LARP4B: variants seen among roughly 807,000 people sequenced by gnomAD.
The protein encoded by LARP4B is La ribonucleoprotein 4B.
Under a neutral mutation model 89.8 loss-of-function variants are expected in LARP4B, and 12 were observed. The observed-to-expected ratio is 0.13, with a 90% CI of 0.09 to 0.22. The LOEUF is 0.22. LARP4B is among the 10% of genes least tolerant of loss of function. The pLI, the probability that LARP4B is intolerant of heterozygous loss-of-function variation, is 1.00. For missense variants in LARP4B, 757 were observed against 947.7 expected, an observed-to-expected ratio of 0.80 and a Z score of 2.64; for synonymous variants, 367 against 363.3, an observed-to-expected ratio of 1.01 and a Z score of -0.12.
At chr10:903,826 G>A (rs772809281) in intron 1 of LARP4B, among the ~76,000 whole-genome samples, 22 of 152,288 alleles carry the variant, frequency 1.4e-4, no homozygotes, top group Middle Eastern at 3.4e-3. Context: ...GAAGTGGTGA[G>A]TAAACTCATT....
At chr10:916,385 A>C (rs1382020725) in intron 1 of LARP4B, among the ~76,000 whole-genome samples, 1 of 152,186 alleles carries the variant, frequency 6.6e-6, no homozygotes, top group Admixed American at 6.5e-5. Context: ...TTCATGGAAA[A>C]TAATTTTTTT....
At chr10:965,032 GC>G in the LARP4B span, among the ~76,000 whole-genome samples, 4 of 152,256 alleles carry the variant, frequency 2.6e-5, no homozygotes, top group Admixed American at 2.6e-4. Context: ...GCACGCTGAG[GC>G]CCGAGAGGGC....
rs60998261 is a variant in LARP4B at position 912,708 on chromosome 10, CAAAAAAA to C, written c.-40+18713_-40+18719del. On this transcript the variant is annotated intron_variant, in intron 1 of 17. Coordinates refer to ENST00000316157, the MANE Select transcript of LARP4B (RefSeq NM_015155.3). ...GCAACATGGAGAAACCTCGTCTTGA[CAAAAAAA>C]AAAAAAAAAAATTCAAAAAAAAAAA... Among the ~76,000 whole-genome samples the C allele has an allele frequency of 9.7e-3, 887 of 91,246 alleles. 10 individuals are homozygous for C. The highest frequency in any genetic ancestry group is 0.042 in the African/African-American group (852 of 20,154). 59.9% of individuals were successfully genotyped at this position (91,246 alleles called of 152,430 possible).
chr10:841,344 G>GA (rs915143711), intron 7 of LARP4B, among the ~76,000 whole-genome samples: 32 of 152,268 alleles, frequency 2.1e-4, no homozygotes, highest in African/African-American at 3.8e-4. Flanking sequence ...AAAATCGAGT[G>GA]AAAAAAGACA....
chr10:970,528 G>A, the LARP4B span, among the ~76,000 whole-genome samples: 1 of 152,156 alleles, frequency 6.6e-6, no homozygotes, highest in East Asian at 1.9e-4. Context: ...TATTTGCACA[G>A]CCGTCCTTTG....
chr10:861,849 T>C (rs1179182974), intron 5 of LARP4B, among the ~76,000 whole-genome samples: 1 of 152,246 alleles, frequency 6.6e-6, no homozygotes, highest in African/African-American at 2.4e-5. Flanking sequence ...AAATTGTTTA[T>C]TTTGAACCAT....
chr10:940,538 C>T, the LARP4B span, among the ~76,000 whole-genome samples: 1 of 152,220 alleles, frequency 6.6e-6, no homozygotes, highest in Non-Finnish European at 1.5e-5. Flanking sequence ...GGGAGGGGGG[C>T]GCCTGCCCAG....
chr10:930,801 T>C (rs1464436341), intron 1 of LARP4B, among the ~76,000 whole-genome samples: 1 of 152,072 alleles, frequency 6.6e-6, no homozygotes, highest in East Asian at 1.9e-4. Context: ...GGATCCCAAC[T>C]TCCTGGTTCT....
the LARP4B span, chr10:988,127 C>T: frequency 4.3e-6 from 1 of 234,920 alleles, no homozygotes; most frequent in Non-Finnish European, 8.5e-6. Flanking sequence ...ACCCTCCAAC[C>T]CTGGCCCAGG....
the LARP4B span, among the ~76,000 whole-genome samples, chr10:982,762 T>C: frequency 6.6e-6 from 1 of 152,088 alleles, no homozygotes; most frequent in South Asian, 2.1e-4. Context: ...TGAGAATAGC[T>C]TAAAATAAAA....
At chr10:969,590 C>T in the LARP4B span, among the ~76,000 whole-genome samples, 2 of 152,126 alleles carry the variant, frequency 1.3e-5, no homozygotes, top group African/African-American at 4.8e-5. Context: ...ATTAGCCAGG[C>T]GTGGTGGCAC....
chr10:899,016 A>G (rs566731240), intron 1 of LARP4B, among the ~76,000 whole-genome samples: 16 of 152,334 alleles, frequency 1.1e-4, no homozygotes, highest in African/African-American at 3.8e-4. Flanking sequence ...GCTCGTCTTC[A>G]TTCCTTCTTC....
intron 15 of LARP4B, among the ~76,000 whole-genome samples, chr10:816,877 G>A (rs897462888): frequency 6.6e-6 from 1 of 152,136 alleles, no homozygotes; most frequent in African/African-American, 2.4e-5. Flanking sequence ...TCTATCTACT[G>A]CGGGGCCTTC....
chr10:924,174 G>A (rs559508724), intron 1 of LARP4B, among the ~76,000 whole-genome samples: 33 of 152,256 alleles, frequency 2.2e-4, no homozygotes, highest in African/African-American at 7.7e-4. Flanking sequence ...AGCCCAGGTC[G>A]AGGCTGCAGA....
Position 829,758 on chromosome 10 carries a change from A to T in LARP4B, c.862-24T>A, listed in dbSNP as rs769007376. On this transcript the variant is annotated intron_variant, in intron 9 of 17. Transcript: ENST00000316157. ...GCCTAAGGGCAAAATTAAGTACAAAATTCCATTCGATTAACCTTATGAATA... is the reference window on the plus strand; with the variant it reads ...GCCTAAGGGCAAAATTAAGTACAAATTTCCATTCGATTAACCTTATGAATA... The T allele has an allele frequency of 3.2e-6, 5 of 1,559,606 alleles. No individual in the cohort carries two copies. In the East Asian group the frequency reaches 1.1e-4, roughly 35 times the overall value.
At chr10:961,905 A>G in the LARP4B span, among the ~76,000 whole-genome samples, 1 of 152,158 alleles carries the variant, frequency 6.6e-6, no homozygotes, top group South Asian at 2.1e-4. Context: ...TTGGGGAGAC[A>G]AATATCCAAA....
chr10:905,921 A>G (rs1836479073), intron 1 of LARP4B, among the ~76,000 whole-genome samples: 2 of 152,108 alleles, frequency 1.3e-5, no homozygotes, highest in Non-Finnish European at 1.5e-5. Context: ...ACCCTCTTCC[A>G]CTTCGTCACC....
chr10:856,576 TG>T (rs751861354), intron 5 of LARP4B, among the ~76,000 whole-genome samples: 1 of 152,200 alleles, frequency 6.6e-6, no homozygotes, highest in Non-Finnish European at 1.5e-5. Context: ...AACACTGTCC[TG>T]GAACTGATTA....
At chr10:982,675 A>G in the LARP4B span, among the ~76,000 whole-genome samples, 38 of 152,370 alleles carry the variant, frequency 2.5e-4, no homozygotes, top group East Asian at 6.9e-3. Context: ...CCTTCCTAGT[A>G]CTTTCCCATT....
Sources: gnomAD v4.1 joint callset for allele counts (sites outside exome capture counted in the v4.1 genomes callset) on GRCh38, gnomAD v4.1.1 for gene constraint, MANE v1.5 for transcripts, NCBI Gene and HGNC (gene_info 2026-07-23, HGNC 2026-07-21) for gene names.